SBF1: variants seen among roughly 807,000 people sequenced by gnomAD.
SBF1 encodes the protein SET binding factor 1.
In SBF1, 65 loss-of-function variants were observed where a neutral mutation model predicts 215.8. The observed-to-expected ratio is 0.30, with a 90% CI of 0.25 to 0.37. SBF1 has a LOEUF of 0.37. SBF1 is among the 10% of genes least tolerant of loss of function. The pLI is 1.00. For missense variants in SBF1, 2,634 were observed against 2,667.8 expected, an observed-to-expected ratio of 0.99 and a Z score of 0.28; for synonymous variants, 1,410 against 1,122.8, an observed-to-expected ratio of 1.26 and a Z score of -5.11.
Position 50,460,679 on chromosome 22 carries a change from A to T in SBF1, c.3001T>A (p.Ser1001Thr). 6.2e-7 allele frequency: 1 copy of T among 1,613,628 alleles called. No individual in the cohort carries two copies. Among genetic ancestry groups the T allele is most frequent in the Non-Finnish European group, 8.5e-7 (1 of 1,179,988 alleles). ...LKMAFDEEVG[S>T]DSAELFRKQL... Reference sequence around the variant, plus strand: ...TTACGGAAGAGCTCGGCGCTGTCAGACCCCACCTCCTCGTCAAAGGCCATT... The same window carrying T: ...TTACGGAAGAGCTCGGCGCTGTCAGTCCCCACCTCCTCGTCAAAGGCCATT... Residue 1001 changes from serine to threonine, a missense_variant, in exon 24 of 41, where the codon TCT becomes ACT. Ser to Thr is a moderately conservative substitution (Grantham distance 58). Transcript: ENST00000380817.
At chr22:50,458,159 G>C (rs1233841529) in intron 28 of SBF1, among the ~76,000 whole-genome samples, 1 of 152,160 alleles carries the variant, frequency 6.6e-6, no homozygotes, top group East Asian at 1.9e-4. Flanking sequence ...AAAAAAATCA[G>C]CCGGGCGCGG....
At chr22:50,466,576 C>G (rs936042272) in intron 6 of SBF1, 29 bp downstream of exon 6, 3 of 1,535,978 alleles carry the variant, frequency 2.0e-6, no homozygotes, top group Non-Finnish European at 2.6e-6. Context: ...CGAGGGGAAG[C>G]CATGCGGGGG....
intron 23 of SBF1, 125 bp from the exon 24 acceptor site, chr22:50,460,837 G>A (rs915387951): frequency 1.2e-5 from 13 of 1,087,804 alleles, no homozygotes; most frequent in Admixed American, 4.5e-5. Context: ...CCCAGGCAAA[G>A]GCCTGTATCT....
rs1489477528 is a variant in SBF1 at position 50,464,314 on chromosome 22, C to T, written c.1749+15G>A. ...CCCGCTGCCCTGGCCCGGCTGGAGC[C>T]TGCACAGCCCTCACCTTCTTGGCCT... On this transcript the variant is annotated intron_variant, in intron 15 of 40. Transcript: ENST00000380817. 6.2e-7 allele frequency: 1 copy of T among 1,604,336 alleles called. No homozygotes were observed. Among genetic ancestry groups the T allele is most frequent in the South Asian group, 1.1e-5 (1 of 90,288 alleles).
chr22:50,452,473 C>T (rs898728401), intron 36 of SBF1, among the ~76,000 whole-genome samples: 2 of 152,062 alleles, frequency 1.3e-5, no homozygotes, highest in Non-Finnish European at 2.9e-5. Context: ...AATCCCAGCA[C>T]TTTGCAAGGC....
In SBF1 at chr22:50,447,357, C is replaced by T. The variant is rs561471329; in HGVS notation, c.5548G>A (p.Ala1850Thr). The T allele has an allele frequency of 2.5e-6, 4 of 1,614,064 alleles. No homozygotes were observed. The highest frequency in any genetic ancestry group is 2.2e-5 in the South Asian group (2 of 91,088). ...AVAPGTPTMG[A>T]PKTVDEKAFF... is the part of the protein sequence containing the mutation. The stretch of plus-strand genomic sequence containing the variant: ...GCCTTCTCGTCCACAGTCTTAGGGG[C>T]ACCCATAGTGGGCGTGCCAGGTGCC... Residue 1850 changes from alanine to threonine, a missense_variant, in exon 40 of 41, where the codon GCC (alanine) becomes ACC (threonine). Transcript: ENST00000380817.
intron 15 of SBF1, 82 bp from the exon 16 acceptor site, chr22:50,463,514 C>A: frequency 7.0e-7 from 1 of 1,421,774 alleles, no homozygotes; most frequent in Non-Finnish European, 9.3e-7. Flanking sequence ...AGCAGGTGTC[C>A]AGGAGACCCA....
intron 36 of SBF1, among the ~76,000 whole-genome samples, chr22:50,449,342 C>A (rs576691195): frequency 6.6e-6 from 1 of 151,868 alleles, no homozygotes; most frequent in Non-Finnish European, 1.5e-5. Context: ...TAGGGCCAGG[C>A]GCGGTGGCTC....
chr22:50,467,697 G>C lies in SBF1; in HGVS notation c.280-7C>G. 1 of 1,610,132 alleles carries C rather than the reference G, an allele frequency of 6.2e-7. No individual in the cohort carries two copies. Among genetic ancestry groups the C allele is most frequent in the South Asian group, 1.1e-5 (1 of 90,702 alleles). On this transcript the variant is annotated splice_polypyrimidine_tract_variant and splice_region_variant and intron_variant, in intron 3 of 40. Coordinates refer to ENST00000380817, the MANE Select transcript of SBF1 (RefSeq NM_002972.4). ...CCTCCACGCGCGTCGTTTCCTGCTG[G>C]GGGTCAGGGGGAGACGGGGGCAGGG...
At position 50,456,540 on chromosome 22, in the gene SBF1, A is replaced by G; in HGVS notation, c.4038T>C (p.Arg1346=). 1 of 1,512,132 alleles carries G rather than the reference A, an allele frequency of 6.6e-7. No individual in the cohort carries two copies. Among genetic ancestry groups the G allele is most frequent in the Non-Finnish European group, 8.9e-7 (1 of 1,123,154 alleles). The allele number at this position is 1,512,132 out of a possible 1,614,324, so 93.7% of individuals were successfully genotyped here. A position where few individuals can be genotyped will look rare whatever the true frequency, so the allele number is the denominator to read the frequency against. ...NGGPPDPGFL[R]PQRAALYILG... ...GGATATAGAGGGCTGCTCGCTGCGG[A>G]CGCAGGAAGCCCGGGTCGGGAGGGC... The change falls in exon 30 of 41, where the codon CGT becomes CGC. Residue 1346 remains arginine, a synonymous_variant. Coordinates refer to ENST00000380817, the MANE Select transcript of SBF1 (RefSeq NM_002972.4).
rs542798666 is a variant in SBF1 at position 50,461,212 on chromosome 22, G to C, written c.2914C>G (p.Pro972Ala). Residue 972 changes from proline to alanine, a missense_variant, in exon 23 of 41, where the codon CCT becomes GCT. Pro to Ala is a conservative substitution (Grantham distance 27, BLOSUM62 -1). Coordinates refer to ENST00000380817, the MANE Select transcript of SBF1 (RefSeq NM_002972.4). ...CCGTCCTGCAGGAGCTGGTCCACAG[G>C]GGTCTGGACGCTGATGCGCTTCTCC... ...TKEKRISVQT[P>A]VDQLLQDGLQ... 1 of 1,612,504 alleles carries C rather than the reference G, an allele frequency of 6.2e-7. No homozygotes were observed. Among genetic ancestry groups the C allele is most frequent in the Non-Finnish European group, 8.5e-7 (1 of 1,179,350 alleles).
rs376706601 is a variant in SBF1, at chr22:50,455,242, G to C, written c.4536C>G (p.Phe1512Leu). The change falls in exon 33 of 41, where the codon TTC becomes TTG. Residue 1512 changes from phenylalanine to leucine, a missense_variant. Transcript: ENST00000380817. ...SSGFTPVFLQ[F>L]LDCVHQVHLQ... ...TGCCCACCTGGTGTACGCAGTCCAG[G>C]AACTGCAGGAAGACGGGTGTGAAGC... 2 of 1,613,104 alleles carry C rather than the reference G, an allele frequency of 1.2e-6. No individual in the cohort carries two copies. The highest frequency in any genetic ancestry group is 2.2e-5 in the South Asian group (2 of 91,048).
Position 50,462,590 on chromosome 22 carries a change from A to G in SBF1, c.2096T>C (p.Leu699Pro). The G allele has an allele frequency of 6.2e-7, 1 of 1,612,280 alleles. No homozygotes were observed. Among genetic ancestry groups the G allele is most frequent in the Non-Finnish European group, 8.5e-7 (1 of 1,179,696 alleles). Residue 699 changes from leucine to proline, a missense_variant, in exon 18 of 41, where the codon CTG becomes CCG. Transcript: ENST00000380817. Reference sequence around the variant, plus strand: ...GGGGGCCAGGTCCTCCGTGGGCTCCAGGTAGAGGGCCCGGATGTGAGTCTG... The same window carrying G: ...GGGGGCCAGGTCCTCCGTGGGCTCCGGGTAGAGGGCCCGGATGTGAGTCTG... ...DVQTHIRALY[L>P]EPTEDLAPAQ...
At chr22:50,455,197 G>C (rs761476593) in intron 33 of SBF1, 27 bp downstream of exon 33, 2 of 1,612,572 alleles carry the variant, frequency 1.2e-6, no homozygotes, top group Non-Finnish European at 1.7e-6. Context: ...GCACAGTCCC[G>C]GCCCACCCAC....
rs748202042 is a variant in SBF1 at position 50,467,343 on chromosome 22, A to C, written c.544T>G (p.Ser182Ala). The change falls in exon 5 of 41, where the codon TCG becomes GCG. Residue 182 changes from serine (S) to alanine (A), a missense_variant. Transcript: ENST00000380817. Reference protein sequence around the residue: ...LTCTVPLAGGSQRTISLGAGD... With the variant: ...LTCTVPLAGGAQRTISLGAGD... ...CAGCTGCCTCCAAAACTCACCTGCGAGCCCCCAGCCAGGGGCACAGTGCAC... is the reference window on the plus strand; with the variant it reads ...CAGCTGCCTCCAAAACTCACCTGCGCGCCCCCAGCCAGGGGCACAGTGCAC... 1 of 1,613,522 alleles carries C rather than the reference A, an allele frequency of 6.2e-7. No homozygotes were observed. Among genetic ancestry groups the C allele is most frequent in the East Asian group, 2.2e-5 (1 of 44,872 alleles).
Position 50,469,361 on chromosome 22 carries a change from C to A in SBF1, c.56-900G>T, listed in dbSNP as rs536721070. Among the ~76,000 whole-genome samples, 3 of 152,350 alleles carry A rather than the reference C, an allele frequency of 2.0e-5. No individual in the cohort carries two copies. The South Asian group carries it at 6.2e-4, about 32-fold the overall frequency. On this transcript the variant is annotated intron_variant, in intron 1 of 40. Transcript: ENST00000380817. ...AGAGGCCTATGTCTCCCCACCAGAC[C>A]CCTCCTCTCCGTGGGGCCCCAGAAC...
intron 36 of SBF1, among the ~76,000 whole-genome samples, chr22:50,449,626 A>ACACG (rs2066967748): frequency 1.3e-4 from 1 of 7,416 alleles, no homozygotes; most frequent in African/African-American, 5.6e-4. Context: ...AAACACACAA[A>ACACG]CACACACACA....
chr22:50,460,129 G>C lies in SBF1; in HGVS notation c.3314C>G (p.Thr1105Ser), dbSNP rs755903616. The change falls in exon 26 of 41, where the codon ACC becomes AGC. Residue 1105 changes from threonine (T) to serine (S), a missense_variant. Transcript: ENST00000380817. ...VSEELEPSTL[T>S]PSSALKPSDR... ...GGAGGGCTTCAGGGCTGAGGACGGG[G>C]TCAGCGTGCTGGGCTCCAGCTCCTC... The C allele has an allele frequency of 5.6e-6, 9 of 1,612,514 alleles. No homozygotes were observed. The highest frequency in any genetic ancestry group is 7.6e-6 in the Non-Finnish European group (9 of 1,179,992).
At chr22:50,466,304 G>A (rs571553224) in intron 7 of SBF1, 46 bp from the exon 8 acceptor site, 3 of 1,609,702 alleles carry the variant, frequency 1.9e-6, no homozygotes, top group African/African-American at 2.7e-5. Context: ...ACGCGGCTGG[G>A]CAAAGGGGCC....
Sources: gnomAD v4.1 joint callset for allele counts (sites outside exome capture counted in the v4.1 genomes callset) on GRCh38, gnomAD v4.1.1 for gene constraint, MANE v1.5 for transcripts, NCBI Gene and HGNC (gene_info 2026-07-23, HGNC 2026-07-21) for gene names.